Variants in DYNC1I1 observed in about 807,000 individuals in gnomAD.
DYNC1I1 encodes the protein dynein cytoplasmic 1 intermediate chain 1.
A neutral mutation model predicts 86.6 loss-of-function variants in DYNC1I1; 43 were observed. The observed-to-expected ratio is 0.50, with a 90% CI of 0.39 to 0.64. DYNC1I1 has a LOEUF of 0.64. Ranked by LOEUF, DYNC1I1 falls within the 30% of genes least tolerant of loss-of-function variation. The pLI is 0.00. For missense variants in DYNC1I1, 604 were observed against 788.8 expected (o/e 0.77, Z 2.81); for synonymous variants, 262 against 283.7 (o/e 0.92, Z 0.77).
intron 6 of DYNC1I1, among the ~76,000 whole-genome samples, chr7:95,967,050 T>A (rs1447068376): frequency 6.6e-6 from 1 of 152,114 alleles, no homozygotes; most frequent in Non-Finnish European, 1.5e-5. Flanking sequence ...TTAGAAATTA[T>A]TAAAATTTAA....
chr7:95,935,202 C>T (rs1792006845), intron 6 of DYNC1I1, among the ~76,000 whole-genome samples: 1 of 151,962 alleles, frequency 6.6e-6, no homozygotes, highest in Non-Finnish European at 1.5e-5. Context: ...ATTTTAGAGA[C>T]CTCAGGTAAG....
intron 6 of DYNC1I1, among the ~76,000 whole-genome samples, chr7:95,909,096 G>T (rs141652556): frequency 1.3e-5 from 2 of 150,778 alleles, no homozygotes; most frequent in Non-Finnish European, 2.9e-5. Flanking sequence ...GAGAGACTTG[G>T]GATAAAGACA....
intron 6 of DYNC1I1, among the ~76,000 whole-genome samples, chr7:95,976,697 G>A (rs1793312271): frequency 6.6e-6 from 1 of 152,112 alleles, no homozygotes; most frequent in South Asian, 2.1e-4. Context: ...AATTTTTTAT[G>A]TCGTTTTATT....
At chr7:96,032,607 T>C in intron 11 of DYNC1I1, 60 bp from the exon 12 acceptor site, 1 of 1,313,240 alleles carries the variant, frequency 7.6e-7, no homozygotes, top group Middle Eastern at 1.8e-4. Context: ...TGTTTGACAC[T>C]CAAATGTAAG....
intron 14 of DYNC1I1, among the ~76,000 whole-genome samples, chr7:96,051,969 T>A (rs1200147901): frequency 6.6e-6 from 1 of 152,178 alleles, no homozygotes; most frequent in African/African-American, 2.4e-5. Context: ...AAAAAATTTA[T>A]CTCTTGAATC....
intron 10 of DYNC1I1, among the ~76,000 whole-genome samples, chr7:96,011,196 C>G (rs190625842): frequency 6.6e-6 from 1 of 152,126 alleles, no homozygotes; most frequent in Non-Finnish European, 1.5e-5. Flanking sequence ...CATTTCTTGA[C>G]TGTGGAAGTA....
intron 11 of DYNC1I1, among the ~76,000 whole-genome samples, chr7:96,029,587 T>G (rs1047373346): frequency 2.6e-5 from 4 of 152,178 alleles, no homozygotes; most frequent in Non-Finnish European, 4.4e-5. Flanking sequence ...ACTAAAATAC[T>G]ATTATTATCA....
At chr7:95,930,491 T>C (rs1791863244) in intron 6 of DYNC1I1, among the ~76,000 whole-genome samples, 1 of 152,248 alleles carries the variant, frequency 6.6e-6, no homozygotes, top group Non-Finnish European at 1.5e-5. Context: ...GAAATGCTTT[T>C]TCCTCCCTTT....
At chr7:96,063,577 A>T (rs1036981535) in intron 14 of DYNC1I1, among the ~76,000 whole-genome samples, 4 of 152,110 alleles carry the variant, frequency 2.6e-5, no homozygotes, top group African/African-American at 9.7e-5. Context: ...GTGTCTTCAC[A>T]TGGGCTTCCC....
In DYNC1I1 at chr7:95,953,416, A is replaced by AAG. The variant is rs143999518; in HGVS notation, c.491-24082_491-24081dup. 1.4e-4 allele frequency among the ~76,000 whole-genome samples: 22 copies of AAG among 151,748 alleles called. No homozygotes were observed. In the East Asian group the frequency reaches 3.3e-3, roughly 23 times the overall value. On this transcript the variant is annotated intron_variant, in intron 6 of 16. Transcript: ENST00000447467. The stretch of plus-strand genomic sequence containing the variant: ...CAAGAGAGAGAGAAGGAAAGAAAGA[A>AAG]AGAGAGAGAGAGAGAAAGAAAATGA...
chr7:95,934,802 T>C (rs1172823253), intron 6 of DYNC1I1, among the ~76,000 whole-genome samples: 4 of 152,064 alleles, frequency 2.6e-5, no homozygotes, highest in Non-Finnish European at 5.9e-5. Context: ...GCAAATCCTT[T>C]TTCATACTAG....
intron 5 of DYNC1I1, among the ~76,000 whole-genome samples, chr7:95,842,982 C>G (rs999882621): frequency 6.6e-6 from 1 of 151,984 alleles, no homozygotes; most frequent in African/African-American, 2.4e-5. Context: ...CAAGTTTTAT[C>G]TTTTAAGGTC....
At chr7:96,001,981 C>T (rs1794023378) in intron 10 of DYNC1I1, among the ~76,000 whole-genome samples, 1 of 152,154 alleles carries the variant, frequency 6.6e-6, no homozygotes, top group Admixed American at 6.5e-5. Context: ...AAGCTTAAAC[C>T]TTGGCATTTT....
At chr7:95,809,787 T>C (rs1794786336) in intron 2 of DYNC1I1, among the ~76,000 whole-genome samples, 1 of 152,194 alleles carries the variant, frequency 6.6e-6, no homozygotes, top group African/African-American at 2.4e-5. Context: ...CCAGTTAGTA[T>C]ATATAATGGA....
At chr7:95,992,452 C>T (rs147705942) in intron 9 of DYNC1I1, among the ~76,000 whole-genome samples, 56 of 152,196 alleles carry the variant, frequency 3.7e-4, no homozygotes, top group Non-Finnish European at 7.5e-4. Context: ...TTATTAGCAA[C>T]ATAGCATGGA....
At chr7:95,847,853 T>G (rs1789475697) in intron 5 of DYNC1I1, among the ~76,000 whole-genome samples, 1 of 152,202 alleles carries the variant, frequency 6.6e-6, no homozygotes, top group Admixed American at 6.5e-5. Flanking sequence ...ACACCAGAGC[T>G]TCTATTCTCT....
chr7:95,797,974 T>C (rs1396378315), intron 1 of DYNC1I1, among the ~76,000 whole-genome samples: 4 of 152,166 alleles, frequency 2.6e-5, no homozygotes, highest in Admixed American at 2.6e-4. Context: ...AATTGTATGT[T>C]TTTTTCACAA....
chr7:95,973,680 C>T (rs1440098998), intron 6 of DYNC1I1, among the ~76,000 whole-genome samples: 3 of 152,144 alleles, frequency 2.0e-5, no homozygotes, highest in African/African-American at 7.2e-5. Context: ...AAGCCCTTCA[C>T]AGAATAATAT....
intron 10 of DYNC1I1, among the ~76,000 whole-genome samples, chr7:95,998,843 C>T (rs1381869182): frequency 6.6e-6 from 1 of 152,106 alleles, no homozygotes; most frequent in Non-Finnish European, 1.5e-5. Flanking sequence ...AAAGCAAATG[C>T]ACAAGAAACA....
Sources: allele counts gnomAD v4.1 joint callset (sites outside exome capture counted in the v4.1 genomes callset), GRCh38; gene constraint gnomAD v4.1.1; transcripts MANE v1.5; gene names NCBI Gene and HGNC (gene_info 2026-07-23, HGNC 2026-07-21).